ADAM17: variants seen among roughly 807,000 people sequenced by gnomAD.
ADAM17 encodes the protein disintegrin and metalloproteinase domain-containing protein 17.
In ADAM17, 39 loss-of-function variants were observed where a neutral mutation model predicts 96.7. The ratio of observed to expected loss-of-function variants is 0.40; its 90% CI spans 0.31 to 0.53. ADAM17 has a LOEUF of 0.53. Among genes scored for constraint, ADAM17 ranks in the 20% least tolerant of loss-of-function variants. ADAM17 has a pLI of 0.44. For synonymous variants in ADAM17, 344 were observed against 359.2 expected (o/e 0.96, Z 0.48); for missense variants, 777 against 1,013.2 (o/e 0.77, Z 3.17).
intron 14 of ADAM17, chr2:9,496,462 C>T (rs1177411391): frequency 6.6e-6 from 1 of 152,340 alleles, no homozygotes; most frequent in Non-Finnish European, 1.5e-5. Flanking sequence ...AGAACTCCCT[C>T]ATCGACTCCC....
intron 12 of ADAM17, 86 bp from the exon 13 acceptor site, chr2:9,502,362 T>G: frequency 8.5e-7 from 1 of 1,178,522 alleles, no homozygotes; most frequent in Non-Finnish European, 1.2e-6. Context: ...TACAGTGACC[T>G]GAAGATCACC....
chr2:9,506,095 A>G (rs888708037), intron 11 of ADAM17, among the ~76,000 whole-genome samples: 1 of 152,132 alleles, frequency 6.6e-6, no homozygotes, highest in African/African-American at 2.4e-5. Context: ...TCCTGAAGTT[A>G]TCAAAAAAAG....
chr2:9,551,604 C>T (rs1665592757), intron 1 of ADAM17, among the ~76,000 whole-genome samples: 1 of 152,024 alleles, frequency 6.6e-6, no homozygotes, highest in African/African-American at 2.4e-5. Flanking sequence ...GGACTACAGG[C>T]GCCTGCTACC....
intron 8 of ADAM17, 28 bp from the exon 9 acceptor site, chr2:9,518,275 A>AAAAAAAAAC: frequency 6.6e-7 from 1 of 1,519,072 alleles, no homozygotes. Context: ...AAAAAAAAAA[A>AAAAAAAAAC]AAAAAAGCAT....
chr2:9,504,464 A>G lies in ADAM17; in HGVS notation c.1544+702T>C, dbSNP rs369255182. On this transcript the variant is annotated intron_variant, in intron 12 of 18. Transcript: ENST00000310823. ...GTCTCAAAATAAATAAATAAATTAA[A>G]TTAAATAAAAAAGATTATTTTGCCA... 2.9e-4 allele frequency among the ~76,000 whole-genome samples: 42 copies of G among 143,414 alleles called. No homozygotes were observed. In the East Asian group the frequency reaches 8.2e-3, roughly 28 times the overall value. 94.1% of individuals were successfully genotyped at this position (143,414 alleles called of 152,430 possible). A position where few individuals can be genotyped will look rare whatever the true frequency, so the allele number is the denominator to read the frequency against.
At chr2:9,537,794 C>A (rs898896284) in intron 2 of ADAM17, among the ~76,000 whole-genome samples, 23 of 149,702 alleles carry the variant, frequency 1.5e-4, no homozygotes, top group Non-Finnish European at 1.6e-4. Flanking sequence ...AAGTAACCCA[C>A]AATTACAGTT....
chr2:9,554,179 A>G (rs1185038748), intron 1 of ADAM17, among the ~76,000 whole-genome samples: 1 of 152,224 alleles, frequency 6.6e-6, no homozygotes, highest in East Asian at 1.9e-4. Flanking sequence ...ATTTTTACCT[A>G]CGAACAACAG....
Position 9,494,643 on chromosome 2 carries a change from G to C in ADAM17, c.1908C>G (p.Asp636Glu). 9.3e-6 allele frequency: 15 copies of C among 1,613,898 alleles called. No homozygotes were observed. The highest frequency in any genetic ancestry group is 1.3e-5 in the Non-Finnish European group (15 of 1,179,840). The change falls in exon 15 of 19, where the codon GAC (aspartate) becomes GAG (glutamate). Residue 636 changes from aspartate to glutamate, a missense_variant. Transcript: ENST00000310823. ...KGKPCTVGFC[D>E]MNGKCEKRVQ... Reference sequence around the variant, plus strand: ...GCTGTACATAAATACTCACATTCATGTCACAAAATCCTACTGTACAGGGCT... The same window carrying C: ...GCTGTACATAAATACTCACATTCATCTCACAAAATCCTACTGTACAGGGCT...
intron 14 of ADAM17, chr2:9,496,336 AC>A (rs1389837212): frequency 6.6e-6 from 1 of 151,660 alleles, no homozygotes; most frequent in Non-Finnish European, 1.5e-5. Context: ...TGCCATGTTG[AC>A]CAAGCTGCTC....
intron 6 of ADAM17, 94 bp downstream of exon 6, chr2:9,526,017 G>C (rs1664508857): frequency 2.6e-6 from 3 of 1,148,406 alleles, no homozygotes; most frequent in Non-Finnish European, 1.2e-6. Flanking sequence ...GGAAATAACA[G>C]AGTATCTGGA....
chr2:9,537,246 T>G (rs1664993574), intron 2 of ADAM17, among the ~76,000 whole-genome samples: 2 of 152,150 alleles, frequency 1.3e-5, no homozygotes, highest in Non-Finnish European at 2.9e-5. Context: ...TTATCCCCAC[T>G]TCACACAAGT....
intron 4 of ADAM17, among the ~76,000 whole-genome samples, chr2:9,530,031 T>C (rs373403108): frequency 5.3e-5 from 8 of 152,178 alleles, no homozygotes; most frequent in East Asian, 1.9e-4. Flanking sequence ...GTGAATAATA[T>C]AGTATGTGAA....
At position 9,490,418 on chromosome 2, in the gene ADAM17, A is replaced by C; in HGVS notation, c.2234T>G (p.Ile745Ser). The change falls in exon 19 of 19, where the codon ATC (isoleucine) becomes AGC (serine). Residue 745 changes from isoleucine (I) to serine (S), a missense_variant. Physicochemically the swap from Ile to Ser is moderately radical, Grantham distance 142. Coordinates refer to ENST00000310823, the MANE Select transcript of ADAM17 (RefSeq NM_003183.6). The part of the protein sequence containing the change: ...TPGRLQPAPV[I>S]PSAPAAPKLD... The stretch of plus-strand genomic sequence containing the variant: ...TTTTGGAGCTGCTGGCGCCGAAGGG[A>C]TCACAGGGGCAGGCTGCAGGCGGCC... The C allele has an allele frequency of 6.2e-7, 1 of 1,614,140 alleles. No homozygotes were observed. Among genetic ancestry groups the C allele is most frequent in the Non-Finnish European group, 8.5e-7 (1 of 1,180,028 alleles).
At chr2:9,546,339 C>A (rs187706894) in intron 1 of ADAM17, among the ~76,000 whole-genome samples, 106 of 152,282 alleles carry the variant, frequency 7.0e-4, no homozygotes, top group South Asian at 2.7e-3. Context: ...GCAATTGATT[C>A]TCTTTTAATA....
intron 13 of ADAM17, among the ~76,000 whole-genome samples, chr2:9,501,162 T>TG (rs1662978601): frequency 6.6e-6 from 1 of 152,096 alleles, no homozygotes; most frequent in African/African-American, 2.4e-5. Flanking sequence ...ATATATGAAC[T>TG]GGCTATTCAC....
At chr2:9,498,205 CTT>C (rs869073680) in intron 13 of ADAM17, among the ~76,000 whole-genome samples, 1 of 145,572 alleles carries the variant, frequency 6.9e-6, no homozygotes, top group Admixed American at 6.8e-5. Context: ...AATTTTCTTT[CTT>C]TTTTTTTGAG....
intron 4 of ADAM17, 86 bp downstream of exon 4, chr2:9,535,748 A>T: frequency 1.3e-6 from 1 of 785,946 alleles, no homozygotes; most frequent in Non-Finnish European, 2.0e-6. Context: ...AAATAAGTAT[A>T]ATTACTTTTC....
intron 1 of ADAM17, among the ~76,000 whole-genome samples, chr2:9,549,018 T>G (rs1409393517): frequency 3.3e-5 from 5 of 152,212 alleles, no homozygotes; most frequent in Non-Finnish European, 2.9e-5. Context: ...TATATCCATA[T>G]TTTCTTCATT....
At chr2:9,514,548 T>A (rs1307204536) in intron 10 of ADAM17, among the ~76,000 whole-genome samples, 2 of 82,518 alleles carry the variant, frequency 2.4e-5, no homozygotes, top group Non-Finnish European at 5.4e-5. Context: ...TATATATATA[T>A]ATATATATAT....
Sources: gnomAD v4.1 joint callset for allele counts (sites outside exome capture counted in the v4.1 genomes callset) on GRCh38, gnomAD v4.1.1 for gene constraint, MANE v1.5 for transcripts, NCBI Gene and HGNC (gene_info 2026-07-23, HGNC 2026-07-21) for gene names.